Variants in CD99 observed in about 807,000 individuals in gnomAD.
The protein encoded by CD99 is CD99 antigen.
In CD99, 19 loss-of-function variants were observed where a neutral mutation model predicts 28.4. The ratio of observed to expected loss-of-function variants is 0.67; its 90% CI spans 0.47 to 0.98. The LOEUF (loss-of-function observed/expected upper bound fraction) is 0.98. Among genes scored for constraint, CD99 ranks in the 50% least tolerant of loss-of-function variants. The probability of loss-of-function intolerance (pLI) is 0.00; values close to 1 mark genes in which losing one functional copy is unlikely to be tolerated. For synonymous variants in CD99, 103 were observed against 92.1 expected, an observed-to-expected ratio of 1.12 and a Z score of -0.67; for missense variants, 283 against 248.8, an observed-to-expected ratio of 1.14 and a Z score of -0.92.
chrX:2,717,762 C>T (rs777888040), intron 3 of CD99, 110 bp downstream of exon 3: 30 of 916,258 alleles, frequency 3.3e-5, no homozygotes, highest in Admixed American at 7.7e-5. Context: ...TTGAGTGCTC[C>T]GGCTGGAGTC....
intron 3 of CD99, among the ~76,000 whole-genome samples, chrX:2,718,264 A>G (rs2048832128): frequency 6.6e-6 from 1 of 151,428 alleles, no homozygotes. Context: ...TAGGAGAGAG[A>G]GCATTTGGTG....
intron 1 of CD99, among the ~76,000 whole-genome samples, chrX:2,699,638 G>T (rs1223725973): frequency 6.6e-6 from 1 of 151,944 alleles, no homozygotes. Context: ...TTCATTTTTT[G>T]TAGAGACAGG....
chrX:2,727,563 A>G (rs2049358984), intron 8 of CD99, among the ~76,000 whole-genome samples: 1 of 151,986 alleles, frequency 6.6e-6, no homozygotes, highest in South Asian at 2.1e-4. Flanking sequence ...TGCAGTCTCC[A>G]CCCCACAGGT....
At chrX:2,727,382 A>C (rs781392216) in intron 8 of CD99, 4 of 774,392 alleles carry the variant, frequency 5.2e-6, no homozygotes, top group African/African-American at 5.1e-5. Flanking sequence ...GCTAACGTGC[A>C]TGCATCACTG....
At chrX:2,691,563 G>A in intron 1 of CD99, 136 bp downstream of exon 1, 2 of 938,950 alleles carry the variant, frequency 2.1e-6, no homozygotes, top group African/African-American at 1.6e-5. Context: ...GACGCGCTGT[G>A]CCCACGGGGG....
At chrX:2,706,047 T>G (rs191391979) in intron 1 of CD99, among the ~76,000 whole-genome samples, 1,467 of 130,854 alleles carry the variant, frequency 0.011, 19 homozygotes, top group Middle Eastern at 0.033. Flanking sequence ...CCACTCGACC[T>G]CCAAAACGTT....
chrX:2,707,056 G>A (rs141712362), intron 1 of CD99, among the ~76,000 whole-genome samples: 6,710 of 152,228 alleles, frequency 0.044, 181 homozygotes, highest in African/African-American at 0.073. Flanking sequence ...GTGTTCGGGC[G>A]CGGCGGCTCA....
At chrX:2,722,892 G>A (rs1032397830) in intron 6 of CD99, among the ~76,000 whole-genome samples, 13 of 152,168 alleles carry the variant, frequency 8.5e-5, no homozygotes, top group Non-Finnish European at 1.6e-4. Flanking sequence ...AGAGTTCAGG[G>A]CCCAGGCAGC....
intron 1 of CD99, among the ~76,000 whole-genome samples, chrX:2,698,505 C>A (rs780369103): frequency 6.6e-6 from 1 of 151,948 alleles, no homozygotes; most frequent in African/African-American, 2.4e-5. Context: ...CTCACTCTGT[C>A]GCCCAGGCTG....
chrX:2,699,896 A>G (rs1180786823), intron 1 of CD99, among the ~76,000 whole-genome samples: 2 of 152,200 alleles, frequency 1.3e-5, no homozygotes, highest in Non-Finnish European at 2.9e-5. Context: ...GTGAATGTCT[A>G]TGCCATGGAT....
At chrX:2,707,797 C>T (rs1193810850) in intron 1 of CD99, among the ~76,000 whole-genome samples, 1 of 152,184 alleles carries the variant, frequency 6.6e-6, no homozygotes, top group Non-Finnish European at 1.5e-5. Flanking sequence ...GGCATGGTTG[C>T]AGCTCTTGCT....
intron 2 of CD99, 99 bp from the exon 3 acceptor site, chrX:2,717,505 CG>C: frequency 1.0e-6 from 1 of 961,738 alleles, no homozygotes; most frequent in Non-Finnish European, 1.7e-6. Context: ...AAACATTCTC[CG>C]ACTGTTTCCA....
chrX:2,705,007 A>T (rs1158482468), intron 1 of CD99, among the ~76,000 whole-genome samples: 13 of 152,188 alleles, frequency 8.5e-5, no homozygotes, highest in Non-Finnish European at 1.8e-4. Context: ...GAGCCACTGT[A>T]CCCGGCCACC....
intron 1 of CD99, among the ~76,000 whole-genome samples, chrX:2,695,332 A>T (rs190420314): frequency 6.6e-6 from 1 of 152,006 alleles, no homozygotes; most frequent in Non-Finnish European, 1.5e-5. Flanking sequence ...CAGCCTCCCA[A>T]TTAGCTGGGA....
chrX:2,720,361 C>G lies in CD99; in HGVS notation c.199C>G (p.Pro67Ala), dbSNP rs759426891. The change falls in exon 5 of 10, where the codon CCA becomes GCA. Residue 67 changes from proline to alanine, a missense_variant. Coordinates refer to ENST00000381192, the MANE Select transcript of CD99 (RefSeq NM_002414.5). ...DAVVDGENDD[P>A]RPPNPPKPMP... ...CTCTCATCTTTCACAAACAGACGACCCACGACCACCGAACCCACCCAAACC... is the reference window on the plus strand; with the variant it reads ...CTCTCATCTTTCACAAACAGACGACGCACGACCACCGAACCCACCCAAACC... The G allele has an allele frequency of 4.3e-6, 7 of 1,613,776 alleles. No individual in the cohort carries two copies. Among genetic ancestry groups the G allele is most frequent in the Non-Finnish European group, 4.2e-6 (5 of 1,179,808 alleles).
At chrX:2,695,578 C>G (rs753333597) in intron 1 of CD99, among the ~76,000 whole-genome samples, 1 of 151,340 alleles carries the variant, frequency 6.6e-6, no homozygotes, top group South Asian at 2.1e-4. Context: ...TGCCTGGCCA[C>G]TTTTAAATTT....
intron 1 of CD99, among the ~76,000 whole-genome samples, chrX:2,703,772 A>T (rs2047991639): frequency 6.6e-6 from 1 of 151,946 alleles, no homozygotes; most frequent in African/African-American, 2.4e-5. Flanking sequence ...TTGAAAGGAG[A>T]TCAGCAGTCG....
Position 2,691,410 on chromosome X carries a change from T to G in CD99, c.50T>G (p.Val17Gly). Residue 17 changes from valine to glycine, a missense_variant, in exon 1 of 10, where the codon GTT (valine) becomes GGT (glycine). Coordinates refer to ENST00000381192, the MANE Select transcript of CD99 (RefSeq NM_002414.5). The part of the protein sequence containing the change: ...LALLLFGLLG[V>G]LVAAPDGGFD... ...CTGCTGCTCTTCGGCCTGCTGGGTG[T>G]TCTGGTCGCCGCCCCGGGTGAGCGA... 1 of 1,585,146 alleles carries G rather than the reference T, an allele frequency of 6.3e-7. No individual in the cohort carries two copies. The highest frequency in any genetic ancestry group is 8.5e-7 in the Non-Finnish European group (1 of 1,174,720).
chrX:2,738,216 G>A lies in CD99; in HGVS notation c.492G>A (p.Val164=). Residue 164 remains valine, a synonymous_variant, in exon 9 of 10, where the codon GTG becomes GTA. Transcript: ENST00000381192. ...TCTTTTCAGCAGAACAAGGGGAGGTGGACATGGAGAGCCACCGGAATGCCA... is the reference window on the plus strand; with the variant it reads ...TCTTTTCAGCAGAACAAGGGGAGGTAGACATGGAGAGCCACCGGAATGCCA... ...CFKENAEQGE[V]DMESHRNANA... is the part of the protein sequence containing the mutation. 6.2e-7 allele frequency: 1 copy of A among 1,613,840 alleles called. No individual in the cohort carries two copies. Among genetic ancestry groups the A allele is most frequent in the Non-Finnish European group, 8.5e-7 (1 of 1,179,806 alleles).
Sources: allele counts gnomAD v4.1 joint callset (sites outside exome capture counted in the v4.1 genomes callset), GRCh38; gene constraint gnomAD v4.1.1; transcripts MANE v1.5; gene names NCBI Gene and HGNC (gene_info 2026-07-23, HGNC 2026-07-21).